Variants in RASGRP1 observed in about 807,000 individuals in gnomAD.
RASGRP1 encodes the protein RAS guanyl releasing protein 1, also known as RAS guanyl-releasing protein 1.
A neutral mutation model predicts 95.1 loss-of-function variants in RASGRP1; 37 were observed. That is an observed-to-expected ratio of 0.39 (90% CI 0.30 to 0.51). RASGRP1 has a LOEUF of 0.51. Among genes scored for constraint, RASGRP1 ranks in the 20% least tolerant of loss-of-function variants. RASGRP1 has a pLI of 0.80. For missense variants in RASGRP1, 711 were observed against 965.4 expected, an observed-to-expected ratio of 0.74 and a Z score of 3.49; for synonymous variants, 325 against 353.4, an observed-to-expected ratio of 0.92 and a Z score of 0.90.
chr15:38,525,316 G>A (rs1451745959), intron 3 of RASGRP1, among the ~76,000 whole-genome samples: 1 of 152,028 alleles, frequency 6.6e-6, no homozygotes, highest in Non-Finnish European at 1.5e-5. Context: ...TTTTTAGGGA[G>A]GAATATTTAA....
At position 38,488,195 on chromosome 15, in the gene RASGRP1, T is replaced by C. The variant is rs1251345261; in HGVS notation, c.*2359A>G. On this transcript the variant is annotated 3_prime_UTR_variant, in exon 17 of 17. Coordinates refer to ENST00000310803, the MANE Select transcript of RASGRP1 (RefSeq NM_005739.4). ...AAACTTTACAATCTGTACATTTGTT[T>C]TTTTCTTGCATTTCTATATTATACA... 1.3e-5 allele frequency: 2 copies of C among 152,048 alleles called. No homozygotes were observed. The highest frequency in any genetic ancestry group is 2.9e-5 in the Non-Finnish European group (2 of 67,912). The allele number at this position is 152,048 out of a possible 1,614,324, so 9.4% of individuals were successfully genotyped here.
At chr15:38,508,743 G>A (rs1352558991) in intron 8 of RASGRP1, among the ~76,000 whole-genome samples, 10 of 152,200 alleles carry the variant, frequency 6.6e-5, no homozygotes, top group Non-Finnish European at 4.4e-5. Flanking sequence ...CAGAAAGGGA[G>A]CAGCCAGATC....
intron 9 of RASGRP1, among the ~76,000 whole-genome samples, chr15:38,506,262 G>A (rs1256282633): frequency 2.6e-5 from 4 of 152,222 alleles, no homozygotes; most frequent in African/African-American, 9.6e-5. Flanking sequence ...AAAGGATGGT[G>A]TGTATAGTCT....
intron 3 of RASGRP1, among the ~76,000 whole-genome samples, chr15:38,520,046 A>C (rs745768635): frequency 6.6e-6 from 1 of 152,248 alleles, no homozygotes; most frequent in Non-Finnish European, 1.5e-5. Context: ...ATATGAAAGA[A>C]TAGCAAGATC....
At chr15:38,532,459 G>A (rs113011141) in intron 2 of RASGRP1, among the ~76,000 whole-genome samples, 5 of 152,202 alleles carry the variant, frequency 3.3e-5, no homozygotes, top group South Asian at 2.1e-4. Context: ...AAAACTAAGC[G>A]GATTCTGGAG....
intron 10 of RASGRP1, among the ~76,000 whole-genome samples, chr15:38,505,267 A>C (rs1216356438): frequency 6.6e-6 from 1 of 152,212 alleles, no homozygotes; most frequent in Non-Finnish European, 1.5e-5. Context: ...TACTGCAGGC[A>C]GTGCCAGGAC....
chr15:38,510,915 C>T (rs958083852), intron 8 of RASGRP1, among the ~76,000 whole-genome samples: 5 of 152,124 alleles, frequency 3.3e-5, no homozygotes, highest in African/African-American at 1.2e-4. Flanking sequence ...GAGCTATGAT[C>T]GTGCCAGCCT....
intron 11 of RASGRP1, 142 bp from the exon 12 acceptor site, chr15:38,502,563 G>C (rs1157873711): frequency 6.6e-6 from 4 of 610,268 alleles, no homozygotes; most frequent in African/African-American, 3.7e-5. Context: ...TGCTCCTTTA[G>C]CTGTGGCAAA....
chr15:38,513,133 G>A (rs984790114), intron 6 of RASGRP1, among the ~76,000 whole-genome samples, 177 bp from the exon 7 acceptor site: 11 of 152,180 alleles, frequency 7.2e-5, no homozygotes, highest in Non-Finnish European at 1.5e-4. Flanking sequence ...CATGATGGGA[G>A]GGAAATCTTC....
intron 2 of RASGRP1, among the ~76,000 whole-genome samples, chr15:38,555,386 T>C (rs748063232): frequency 1.3e-4 from 20 of 152,314 alleles, no homozygotes; most frequent in African/African-American, 2.2e-4. Flanking sequence ...ATTTCTTACA[T>C]TGAATGGAGT....
intron 2 of RASGRP1, among the ~76,000 whole-genome samples, chr15:38,536,257 G>A (rs1892641281): frequency 6.6e-6 from 1 of 152,196 alleles, no homozygotes; most frequent in Non-Finnish European, 1.5e-5. Flanking sequence ...ACATGAGCCA[G>A]GCAAGGGAAG....
chr15:38,552,144 T>C (rs1893366180), intron 2 of RASGRP1, among the ~76,000 whole-genome samples: 2 of 152,240 alleles, frequency 1.3e-5, no homozygotes, highest in Admixed American at 1.3e-4. Flanking sequence ...TCATGCTGTT[T>C]TCATGTTCCA....
intron 2 of RASGRP1, among the ~76,000 whole-genome samples, chr15:38,556,029 G>GA (rs544950795): frequency 2.6e-4 from 40 of 151,896 alleles, no homozygotes; most frequent in African/African-American, 8.0e-4. Flanking sequence ...CTTGTAAAGG[G>GA]AAAAAAAATA....
chr15:38,556,697 G>A (rs1220240766), intron 2 of RASGRP1, among the ~76,000 whole-genome samples: 1 of 152,200 alleles, frequency 6.6e-6, no homozygotes, highest in African/African-American at 2.4e-5. Flanking sequence ...GCTTAGAAAT[G>A]AAATCTTACA....
At chr15:38,512,281 G>A (rs915849073) in intron 7 of RASGRP1, among the ~76,000 whole-genome samples, 3 of 152,246 alleles carry the variant, frequency 2.0e-5, no homozygotes, top group South Asian at 2.1e-4. Flanking sequence ...ATATAGGACA[G>A]TAACTGGGAC....
At chr15:38,520,099 T>C (rs537955116) in intron 3 of RASGRP1, among the ~76,000 whole-genome samples, 1 of 152,208 alleles carries the variant, frequency 6.6e-6, no homozygotes, top group Non-Finnish European at 1.5e-5. Context: ...GAAAAAAATA[T>C]TCATCTATTT....
rs144050311 is a variant in RASGRP1, at chr15:38,516,740, ACT to A, written c.522-392_522-391del. On this transcript the variant is annotated intron_variant, in intron 5 of 16. Transcript: ENST00000310803. ...CTTCATTCTTGTGTGAATGATAGGGACTCTCTATCTGGTTGGAAATCCCAAGG... is the reference window on the plus strand; with the variant it reads ...CTTCATTCTTGTGTGAATGATAGGGACTCTATCTGGTTGGAAATCCCAAGG... Among the ~76,000 whole-genome samples, 1,327 of 150,686 alleles carry A rather than the reference ACT, an allele frequency of 8.8e-3. 20 individuals are homozygous for A. Among genetic ancestry groups the A allele is most frequent in the Middle Eastern group, 0.034 (10 of 294 alleles).
chr15:38,515,244 T>C (rs1266308032), intron 6 of RASGRP1, among the ~76,000 whole-genome samples: 1 of 152,222 alleles, frequency 6.6e-6, no homozygotes, highest in East Asian at 1.9e-4. Flanking sequence ...GTCGACCTTG[T>C]TCAAGTCAGC....
At chr15:38,556,118 C>A (rs1487995998) in intron 2 of RASGRP1, among the ~76,000 whole-genome samples, 1 of 152,148 alleles carries the variant, frequency 6.6e-6, no homozygotes, top group Non-Finnish European at 1.5e-5. Context: ...ATAAGTGTAA[C>A]CAGGTTGTGA....
Sources: gnomAD v4.1 joint callset for allele counts (sites outside exome capture counted in the v4.1 genomes callset) on GRCh38, gnomAD v4.1.1 for gene constraint, MANE v1.5 for transcripts, NCBI Gene and HGNC (gene_info 2026-07-23, HGNC 2026-07-21) for gene names.